ACOT11: variants seen among roughly 807,000 people sequenced by gnomAD.
ACOT11 encodes acyl-coenzyme A thioesterase 11.
ACOT11 carries 69 observed loss-of-function variants against 77.5 expected under a neutral mutation model. That is an observed-to-expected ratio of 0.89 (90% confidence interval 0.73 to 1.09). The LOEUF (loss-of-function observed/expected upper bound fraction) is 1.09. ACOT11 is among the 50% of genes least tolerant of loss of function. The pLI is 0.00. For synonymous variants in ACOT11, 279 were observed against 313.0 expected (o/e 0.89, Z 1.15); for missense variants, 766 against 813.7 (o/e 0.94, Z 0.71).
At chr1:54,587,453 T>A (rs886544119) in intron 3 of ACOT11, among the ~76,000 whole-genome samples, 28 of 147,346 alleles carry the variant, frequency 1.9e-4, no homozygotes, top group Non-Finnish European at 3.0e-4. Context: ...GCAGAGGTTG[T>A]GGTGAGCTGA....
In ACOT11 at chr1:54,602,766, C is replaced by T. The variant is rs369673769; in HGVS notation, c.1085+42C>T. The T allele has an allele frequency of 3.7e-5, 55 of 1,489,946 alleles. No homozygotes were observed. In the South Asian group the frequency reaches 5.3e-4, roughly 14 times the overall value. The allele number at this position is 1,489,946 out of a possible 1,614,324, so 92.3% of individuals were successfully genotyped here. ...TGGTGGGCAGAATGTGGATTCGGGG[C>T]TGTTCACGCTCCGCTGACCCCAGGG... On this transcript the variant is annotated intron_variant, in intron 10 of 15. Transcript: ENST00000343744.
chr1:54,612,415 A>C, downstream of ACOT11: 1 of 1,139,940 alleles, frequency 8.8e-7, no homozygotes, highest in Non-Finnish European at 1.3e-6. Flanking sequence ...CCTTCCAGCC[A>C]TGAGCTTCTG....
rs745370762 is a variant in ACOT11, at chr1:54,601,301, G to T, written c.917G>T (p.Arg306Leu). Residue 306 changes from arginine (R) to leucine (L), a missense_variant, in exon 9 of 16, where the codon CGC (arginine) becomes CTC (leucine). By Grantham distance (102) the Arg-to-Leu change is moderately radical. Coordinates refer to ENST00000343744, the MANE Select transcript of ACOT11 (RefSeq NM_147161.4). Reference protein sequence around the residue: ...MEVGVCVEAYRQEAETHRRHI... With the variant: ...MEVGVCVEAYLQEAETHRRHI... ...GTGGGCGTGTGCGTGGAGGCCTATCGCCAGGAGGCTGAGACCCACCGGCGC... is the reference window on the plus strand; with the variant it reads ...GTGGGCGTGTGCGTGGAGGCCTATCTCCAGGAGGCTGAGACCCACCGGCGC... 7 of 1,612,660 alleles carry T rather than the reference G, an allele frequency of 4.3e-6. No individual in the cohort carries two copies. In the East Asian group the frequency reaches 8.9e-5, roughly 21 times the overall value.
chr1:54,568,273 G>C (rs1282400351), intron 1 of ACOT11, among the ~76,000 whole-genome samples: 1 of 151,402 alleles, frequency 6.6e-6, no homozygotes, highest in African/African-American at 2.4e-5. Context: ...CTTTCTCATA[G>C]CACTTTTCCC....
intron 1 of ACOT11, among the ~76,000 whole-genome samples, chr1:54,554,283 A>G (rs1222826364): frequency 7.4e-6 from 1 of 134,442 alleles, no homozygotes; most frequent in African/African-American, 2.8e-5. Flanking sequence ...GCTGAATAGT[A>G]TTCCATAGTG....
chr1:54,615,931 G>T, intron 15 of ACOT11: 1 of 1,377,780 alleles, frequency 7.3e-7, no homozygotes, highest in Non-Finnish European at 1.0e-6. Flanking sequence ...TGTCAGGGCT[G>T]GACTTGCTTC....
Position 54,599,421 on chromosome 1 carries a change from G to C in ACOT11, c.884+6G>C. 1 of 1,598,652 alleles carries C rather than the reference G, an allele frequency of 6.3e-7. No homozygotes were observed. Among genetic ancestry groups the C allele is most frequent in the Non-Finnish European group, 8.5e-7 (1 of 1,171,292 alleles). On this transcript the variant is annotated splice_donor_region_variant and intron_variant, in intron 8 of 15. Coordinates refer to ENST00000343744, the MANE Select transcript of ACOT11 (RefSeq NM_147161.4). The stretch of plus-strand genomic sequence containing the variant: ...AACAATGCCTTCAAACATAGGTGAG[G>C]GTCTGGGATGGGTGCGGCCACGTCC...
Position 54,548,288 on chromosome 1 carries a change from C to A in ACOT11, c.-22C>A. On this transcript the variant is annotated 5_prime_UTR_variant, in exon 1 of 16. Coordinates refer to ENST00000343744, the MANE Select transcript of ACOT11 (RefSeq NM_147161.4). The stretch of plus-strand genomic sequence containing the variant: ...AGCTTGTGTCTCTGGGAGGGCGCTG[C>A]TTTCCCCGGCCACCCGGCGCGATGA... 6.3e-7 allele frequency: 1 copy of A among 1,588,582 alleles called. No homozygotes were observed. Among genetic ancestry groups the A allele is most frequent in the Non-Finnish European group, 8.6e-7 (1 of 1,167,842 alleles).
intron 15 of ACOT11, among the ~76,000 whole-genome samples, chr1:54,616,916 G>A (rs1028456931): frequency 6.6e-6 from 1 of 152,134 alleles, no homozygotes; most frequent in African/African-American, 2.4e-5. Flanking sequence ...ATGTTGCCCT[G>A]TCTGGTCTTG....
chr1:54,578,840 A>T (rs1404193477), intron 1 of ACOT11, among the ~76,000 whole-genome samples: 1 of 145,496 alleles, frequency 6.9e-6, no homozygotes, highest in Non-Finnish European at 1.5e-5. Flanking sequence ...TTAATTTATG[A>T]TCTTGAAAAA....
intron 13 of ACOT11, among the ~76,000 whole-genome samples, chr1:54,606,221 T>C (rs556770175): frequency 6.6e-6 from 1 of 152,028 alleles, no homozygotes; most frequent in South Asian, 2.1e-4. Flanking sequence ...GTGGATGTCG[T>C]GTAGGGGGAG....
chr1:54,599,319 C>A lies in ACOT11; in HGVS notation c.788C>A (p.Thr263Lys). ...AASRLCRAHP[T>K]LKAIEMFHFR... ...AGCCGGCTCTGCCGTGCCCACCCTA[C>A]GCTGAAGGCCATTGAAATGTTCCAC... is the stretch of plus-strand genomic sequence containing the variant. Residue 263 changes from threonine (T) to lysine (K), a missense_variant, in exon 8 of 16, where the codon ACG becomes AAG. Thr to Lys is a moderately conservative substitution (Grantham distance 78). Coordinates refer to ENST00000343744, the MANE Select transcript of ACOT11 (RefSeq NM_147161.4). The A allele has an allele frequency of 4.4e-6, 7 of 1,604,978 alleles. No homozygotes were observed. The highest frequency in any genetic ancestry group is 6.0e-6 in the Non-Finnish European group (7 of 1,176,376).
At chr1:54,612,703 C>CCA (rs773232370), downstream of ACOT11, 16 of 1,612,902 alleles carry the variant, frequency 9.9e-6, no homozygotes, top group South Asian at 1.6e-4. Flanking sequence ...TGGACCAGGG[C>CCA]CAGGAACCTG....
At chr1:54,587,166 C>G (rs1225908738) in intron 3 of ACOT11, among the ~76,000 whole-genome samples, 1 of 152,158 alleles carries the variant, frequency 6.6e-6, no homozygotes, top group Non-Finnish European at 1.5e-5. Context: ...TCCCAGTCTT[C>G]AGGGGAGGCA....
chr1:54,593,523 C>T (rs1353323719), intron 4 of ACOT11, among the ~76,000 whole-genome samples: 1 of 137,668 alleles, frequency 7.3e-6, no homozygotes, highest in African/African-American at 2.7e-5. Flanking sequence ...TTGTTTTGAA[C>T]TCCTGGCCTC....
intron 15 of ACOT11, among the ~76,000 whole-genome samples, chr1:54,623,107 C>T (rs113134149): frequency 0.05 from 7,383 of 147,656 alleles, 609 homozygotes; most frequent in African/African-American, 0.17. Flanking sequence ...ACCTGGGAGG[C>T]GGAGGTTGCA....
At chr1:54,623,212 A>G (rs2101028279) in intron 15 of ACOT11, 1 of 1,030,496 alleles carries the variant, frequency 9.7e-7, no homozygotes, top group Non-Finnish European at 1.5e-6. Context: ...GCTGTAAGTG[A>G]GAAGTGGGGA....
In ACOT11 at chr1:54,584,951, G is replaced by C; in HGVS notation, c.241+89G>C. Reference sequence around the variant, plus strand: ...CAGAGATGGTCACCGTCCACCCTAAGTGCCACACTTGTTTCTCATCTTGGC... The same window carrying C: ...CAGAGATGGTCACCGTCCACCCTAACTGCCACACTTGTTTCTCATCTTGGC... On this transcript the variant is annotated intron_variant, in intron 2 of 15. Transcript: ENST00000343744. This position sits in a 1 kb window ranked among gnomAD's most constrained non-coding sequence, Gnocchi z 6.3. The C allele has an allele frequency of 7.4e-7, 1 of 1,355,450 alleles. No homozygotes were observed. The highest frequency in any genetic ancestry group is 1.0e-6 in the Non-Finnish European group (1 of 996,410). The allele number at this position is 1,355,450 out of a possible 1,614,324, so 84.0% of individuals were successfully genotyped here. A position where few individuals can be genotyped will look rare whatever the true frequency, so the allele number is the denominator to read the frequency against.
At chr1:54,602,621 G>A in intron 9 of ACOT11, 48 bp from the exon 10 acceptor site, 1 of 1,465,606 alleles carries the variant, frequency 6.8e-7, no homozygotes, top group South Asian at 1.4e-5. Context: ...AGAGGGGGCA[G>A]GACGGAGGGT....
Sources: gnomAD v4.1 joint callset for allele counts (sites outside exome capture counted in the v4.1 genomes callset) on GRCh38, gnomAD v4.1.1 for gene constraint, Gnocchi (gnomAD v3.1) non-coding constraint, MANE v1.5 for transcripts, NCBI Gene and HGNC (gene_info 2026-07-23, HGNC 2026-07-21) for gene names.